HIBADH: variants seen among roughly 807,000 people sequenced by gnomAD.
HIBADH encodes 3-hydroxyisobutyrate dehydrogenase, mitochondrial.
HIBADH carries 25 observed loss-of-function variants against 36.1 expected under a neutral mutation model. The ratio of observed to expected loss-of-function variants is 0.69; its 90% CI spans 0.50 to 0.97. HIBADH has a LOEUF of 0.97. Among genes scored for constraint, HIBADH ranks in the 50% least tolerant of loss-of-function variants. HIBADH has a pLI of 0.00. For synonymous variants in HIBADH, 160 were observed against 149.5 expected (o/e 1.07, Z -0.51); for missense variants, 421 against 418.0 (o/e 1.01, Z -0.06).
At chr7:27,652,901 G>A (rs1177808126) in intron 1 of HIBADH, among the ~76,000 whole-genome samples, 2 of 152,096 alleles carry the variant, frequency 1.3e-5, no homozygotes, top group Non-Finnish European at 2.9e-5. Flanking sequence ...GGCCAAAGTG[G>A]GTGGATCACC....
At chr7:27,654,651 A>G (rs904254740) in intron 1 of HIBADH, among the ~76,000 whole-genome samples, 8 of 151,780 alleles carry the variant, frequency 5.3e-5, no homozygotes, top group African/African-American at 1.9e-4. Context: ...AGAGGTATGA[A>G]TCAATCTCAG....
At chr7:27,593,899 A>G (rs12668430) in intron 4 of HIBADH, among the ~76,000 whole-genome samples, 114,853 of 151,264 alleles carry the variant, frequency 0.76, 44,063 homozygotes, top group East Asian at 0.94. Flanking sequence ...AATAAAAGAG[A>G]AGTCAGTTTA....
At chr7:27,563,092 C>T (rs1196701922) in intron 4 of HIBADH, among the ~76,000 whole-genome samples, 1 of 152,180 alleles carries the variant, frequency 6.6e-6, no homozygotes, top group African/African-American at 2.4e-5. Context: ...TTCTCCAACT[C>T]CTGATCCTAC....
intron 4 of HIBADH, among the ~76,000 whole-genome samples, chr7:27,619,527 G>T (rs558698326): frequency 5.9e-5 from 9 of 152,184 alleles, no homozygotes; most frequent in African/African-American, 1.9e-4. Context: ...GAAGCTCAGT[G>T]AAAAACAGAT....
chr7:27,575,917 C>CAA (rs995917479), intron 4 of HIBADH, among the ~76,000 whole-genome samples: 18 of 152,222 alleles, frequency 1.2e-4, no homozygotes, highest in Non-Finnish European at 2.4e-4. Flanking sequence ...TATATGCATA[C>CAA]AATCTTCCTT....
At chr7:27,540,435 C>T (rs781354784) in intron 5 of HIBADH, among the ~76,000 whole-genome samples, 1 of 152,162 alleles carries the variant, frequency 6.6e-6, no homozygotes, top group Non-Finnish European at 1.5e-5. Context: ...CATACACTCC[C>T]CACCTTTTTT....
chr7:27,613,068 A>C (rs1460089626), intron 4 of HIBADH, among the ~76,000 whole-genome samples: 2 of 131,674 alleles, frequency 1.5e-5, no homozygotes, highest in Admixed American at 1.7e-4. Context: ...TAATTTATAT[A>C]TATTACATAT....
intron 7 of HIBADH, among the ~76,000 whole-genome samples, chr7:27,528,393 A>T (rs1783942602): frequency 6.6e-6 from 1 of 152,216 alleles, no homozygotes; most frequent in Non-Finnish European, 1.5e-5. Context: ...AGGCAGGCCC[A>T]TTAAAACAAA....
intron 4 of HIBADH, among the ~76,000 whole-genome samples, chr7:27,553,936 C>T (rs1784356208): frequency 6.6e-6 from 1 of 152,152 alleles, no homozygotes; most frequent in African/African-American, 2.4e-5. Flanking sequence ...ACAACCTCTG[C>T]CTCCTGCATT....
intron 6 of HIBADH, among the ~76,000 whole-genome samples, chr7:27,531,768 T>C (rs1401638186): frequency 1.3e-5 from 2 of 152,136 alleles, no homozygotes; most frequent in African/African-American, 2.4e-5. Flanking sequence ...CAGAAAGAAA[T>C]ACTGACAGAT....
At chr7:27,594,236 T>C (rs56024263) in intron 4 of HIBADH, among the ~76,000 whole-genome samples, 113,728 of 149,272 alleles carry the variant, frequency 0.76, 43,825 homozygotes, top group East Asian at 0.94. Flanking sequence ...CTCCTCCTCC[T>C]GGGTTCAACT....
At chr7:27,596,696 T>C (rs1785039662) in intron 4 of HIBADH, among the ~76,000 whole-genome samples, 1 of 152,204 alleles carries the variant, frequency 6.6e-6, no homozygotes, top group East Asian at 1.9e-4. Context: ...GTCCCTTATC[T>C]AAAATGCTTG....
rs186706835 is a variant in HIBADH at position 27,575,344 on chromosome 7, A to C, written c.485-32244T>G. 8.7e-4 allele frequency among the ~76,000 whole-genome samples: 132 copies of C among 152,326 alleles called. 1 individual carries two copies. Among genetic ancestry groups the C allele is most frequent in the Admixed American group, 3.0e-3 (46 of 15,294 alleles). The stretch of plus-strand genomic sequence containing the variant: ...CATCTACATTGGGACTTGAGTAAAT[A>C]AGGTAAATATTTAAGAATTAGTGAA... On this transcript the variant is annotated intron_variant, in intron 4 of 7. Coordinates refer to ENST00000265395, the MANE Select transcript of HIBADH (RefSeq NM_152740.4).
chr7:27,559,971 A>G (rs1562621403), intron 4 of HIBADH, among the ~76,000 whole-genome samples: 2 of 152,236 alleles, frequency 1.3e-5, no homozygotes, highest in Non-Finnish European at 2.9e-5. Context: ...CTGATATATA[A>G]TAATGCTGTA....
chr7:27,661,664 G>C (rs1426841587), intron 1 of HIBADH, among the ~76,000 whole-genome samples: 1 of 146,968 alleles, frequency 6.8e-6, no homozygotes, highest in Non-Finnish European at 1.5e-5. Flanking sequence ...TTTAAGCAAA[G>C]ATTAGAAAAA....
chr7:27,651,415 A>T (rs1424479030), intron 1 of HIBADH, among the ~76,000 whole-genome samples: 1 of 152,176 alleles, frequency 6.6e-6, no homozygotes, highest in Non-Finnish European at 1.5e-5. Context: ...CCTGCAAGGA[A>T]TTCAATGACA....
chr7:27,587,785 G>A (rs931878336), intron 4 of HIBADH, among the ~76,000 whole-genome samples: 1 of 152,138 alleles, frequency 6.6e-6, no homozygotes, highest in Non-Finnish European at 1.5e-5. Flanking sequence ...CAAGACAACT[G>A]AGAAAAAATT....
chr7:27,617,304 C>T (rs1785448267), intron 4 of HIBADH, among the ~76,000 whole-genome samples: 1 of 152,154 alleles, frequency 6.6e-6, no homozygotes, highest in Non-Finnish European at 1.5e-5. Flanking sequence ...GAGCAATAGA[C>T]TATGGCAATA....
At chr7:27,619,772 T>C (rs564685996) in intron 4 of HIBADH, among the ~76,000 whole-genome samples, 2 of 151,822 alleles carry the variant, frequency 1.3e-5, no homozygotes, top group African/African-American at 4.8e-5. Context: ...CAGACAAAAA[T>C]AAAGAATTAA....
Sources: allele counts gnomAD v4.1 joint callset (sites outside exome capture counted in the v4.1 genomes callset), GRCh38; gene constraint gnomAD v4.1.1; transcripts MANE v1.5; gene names NCBI Gene and HGNC (gene_info 2026-07-23, HGNC 2026-07-21).